Variants in CNDP1 observed in about 807,000 individuals in gnomAD.
The protein encoded by CNDP1 is beta-Ala-His dipeptidase.
CNDP1 carries 44 observed loss-of-function variants against 58.1 expected under a neutral mutation model. That is an observed-to-expected ratio of 0.76 (90% confidence interval 0.60 to 0.97). The LOEUF (loss-of-function observed/expected upper bound fraction) is 0.97. Among genes scored for constraint, CNDP1 ranks in the 50% least tolerant of loss-of-function variants. The pLI is 0.00. For synonymous variants in CNDP1, 254 were observed against 252.6 expected (o/e 1.01, Z -0.05); for missense variants, 616 against 655.1 (o/e 0.94, Z 0.65).
intron 1 of CNDP1, among the ~76,000 whole-genome samples, chr18:74,539,126 T>C (rs914217424): frequency 6.0e-5 from 9 of 150,740 alleles, no homozygotes; most frequent in Non-Finnish European, 1.2e-4. Context: ...GGAAAATACA[T>C]GGACATTCGC....
chr18:74,552,751 C>T (rs971469208), intron 1 of CNDP1, among the ~76,000 whole-genome samples: 1 of 152,150 alleles, frequency 6.6e-6, no homozygotes, highest in Non-Finnish European at 1.5e-5. Context: ...ATCCACTTAC[C>T]AGTTTTTGTG....
chr18:74,543,504 C>CAAAAT lies in CNDP1; in HGVS notation c.24+8817_24+8818insTAAAA, dbSNP rs557695014. ...TGAGATCCTGTCTCAAAAAATAAAA[C>CAAAAT]AAAACAAAATAAAATAAAATAAAAT... On this transcript the variant is annotated intron_variant, in intron 1 of 11. Transcript: ENST00000358821. Among the ~76,000 whole-genome samples the CAAAAT allele has an allele frequency of 2.6e-3, 346 of 130,670 alleles. 3 individuals are homozygous for CAAAAT. Among genetic ancestry groups the CAAAAT allele is most frequent in the African/African-American group, 9.4e-3 (323 of 34,184 alleles). 85.7% of individuals were successfully genotyped at this position (130,670 alleles called of 152,430 possible). A position where few individuals can be genotyped will look rare whatever the true frequency, so the allele number is the denominator to read the frequency against.
intron 1 of CNDP1, among the ~76,000 whole-genome samples, chr18:74,553,297 C>T (rs758123659): frequency 7.2e-5 from 11 of 152,182 alleles, no homozygotes; most frequent in Middle Eastern, 3.4e-3. Flanking sequence ...TCCAATTTAT[C>T]GATCCTGTCT....
intron 7 of CNDP1, among the ~76,000 whole-genome samples, chr18:74,571,891 G>A (rs546901932): frequency 6.6e-6 from 1 of 152,112 alleles, no homozygotes; most frequent in Non-Finnish European, 1.5e-5. Context: ...TACGACCTTG[G>A]TAAGTTACTT....
chr18:74,583,602 A>T lies in CNDP1; in HGVS notation c.1351A>T (p.Ile451Phe). 6.2e-7 allele frequency: 1 copy of T among 1,614,160 alleles called. No individual in the cohort carries two copies. Among genetic ancestry groups the T allele is most frequent in the Non-Finnish European group, 8.5e-7 (1 of 1,179,998 alleles). ...AGATATGATCCGGGATGGATCCACC[A>T]TTCCAATTGCCAAAATGTTCCAGGA... The part of the protein sequence containing the change: ...EPDMIRDGST[I>F]PIAKMFQEIV... Residue 451 changes from isoleucine (I) to phenylalanine (F), a missense_variant, in exon 11 of 12, where the codon ATT becomes TTT. Coordinates refer to ENST00000358821, the MANE Select transcript of CNDP1 (RefSeq NM_032649.6).
Position 74,583,646 on chromosome 18 carries a change from G to A in CNDP1, c.1395G>A (p.Val465=). Residue 465 remains valine, a synonymous_variant, in exon 11 of 12, where the codon GTG becomes GTA. Transcript: ENST00000358821. ...TCCAGGAGATCGTCCACAAGAGCGT[G>A]GTGCTAATTCCGCTGGGAGCTGTTG... The part of the protein sequence containing the change: ...KMFQEIVHKS[V]VLIPLGAVDD... The A allele has an allele frequency of 6.2e-7, 1 of 1,614,118 alleles. No individual in the cohort carries two copies. Among genetic ancestry groups the A allele is most frequent in the Non-Finnish European group, 8.5e-7 (1 of 1,179,988 alleles).
chr18:74,537,817 C>T (rs1298585342), intron 1 of CNDP1, among the ~76,000 whole-genome samples: 1 of 152,208 alleles, frequency 6.6e-6, no homozygotes, highest in Non-Finnish European at 1.5e-5. Flanking sequence ...TCATATATCA[C>T]TACACTTTGT....
In CNDP1 at chr18:74,562,026, ATTC is replaced by A. The variant is rs1568296430; in HGVS notation, c.467-16_467-14del. 6.2e-7 allele frequency: 1 copy of A among 1,609,664 alleles called. No homozygotes were observed. The highest frequency in any genetic ancestry group is 1.1e-5 in the South Asian group (1 of 90,982). Reference sequence around the variant, plus strand: ...CAGAGGTGTCCACACTTCTCTGAACATTCTTCTCCCCTTTTTAAAGGGAAACTT... The same window carrying A: ...CAGAGGTGTCCACACTTCTCTGAACATTCTCCCCTTTTTAAAGGGAAACTT... On this transcript the variant is annotated intron_variant, in intron 4 of 11. Transcript: ENST00000358821.
chr18:74,541,484 G>A (rs1980623183), intron 1 of CNDP1, among the ~76,000 whole-genome samples: 1 of 152,158 alleles, frequency 6.6e-6, no homozygotes, highest in South Asian at 2.1e-4. Context: ...GCCAGCTCCT[G>A]GAGGAGTCAC....
At chr18:74,575,857 G>T (rs1240114301) in intron 7 of CNDP1, among the ~76,000 whole-genome samples, 1 of 146,110 alleles carries the variant, frequency 6.8e-6, no homozygotes, top group African/African-American at 2.5e-5. Context: ...GTGTGTGTGT[G>T]TGTGTATACA....
chr18:74,579,213 C>CCTTCCCTTGCCTTCCCTTG (rs779031214), intron 9 of CNDP1, among the ~76,000 whole-genome samples: 19 of 56,290 alleles, frequency 3.4e-4, no homozygotes, highest in African/African-American at 9.8e-4. Context: ...GCCTTCCCTT[C>CCTTCCCTTGCCTTCCCTTG]CCTTCCCTTC....
intron 6 of CNDP1, 121 bp from the exon 7 acceptor site, chr18:74,571,065 C>T (rs1981466576): frequency 1.5e-6 from 1 of 660,648 alleles, no homozygotes; most frequent in Non-Finnish European, 2.7e-6. Context: ...GAAGTCAGGT[C>T]TGGATGTTGC....
intron 10 of CNDP1, among the ~76,000 whole-genome samples, chr18:74,583,314 C>CT (rs1488936448): frequency 1.3e-5 from 2 of 152,112 alleles, no homozygotes; most frequent in Non-Finnish European, 2.9e-5. Context: ...GCTCTAAAAT[C>CT]TTTTTTAAAG....
At chr18:74,572,808 A>AAAGAAAG (rs1555710824) in intron 7 of CNDP1, among the ~76,000 whole-genome samples, 1 of 135,392 alleles carries the variant, frequency 7.4e-6, no homozygotes, top group Non-Finnish European at 1.5e-5. Context: ...AAAAAAAAAA[A>AAAGAAAG]AAAGAAAGAA....
At chr18:74,574,061 C>G (rs1462752506) in intron 7 of CNDP1, among the ~76,000 whole-genome samples, 5 of 152,218 alleles carry the variant, frequency 3.3e-5, no homozygotes, top group Non-Finnish European at 7.3e-5. Flanking sequence ...GCCCGGACTT[C>G]CAGGGACCCC....
chr18:74,575,436 G>A (rs1052313594), intron 7 of CNDP1, among the ~76,000 whole-genome samples: 4 of 152,212 alleles, frequency 2.6e-5, no homozygotes, highest in African/African-American at 4.8e-5. Flanking sequence ...GACTCATTAA[G>A]CTGCCCTGGA....
At chr18:74,567,160 T>C (rs1981349656) in intron 5 of CNDP1, 73 bp from the exon 6 acceptor site, 3 of 1,214,358 alleles carry the variant, frequency 2.5e-6, no homozygotes, top group East Asian at 2.3e-5. Flanking sequence ...ACAATTCAAG[T>C]TGAGATTTGG....
At position 74,576,882 on chromosome 18, in the gene CNDP1, C is replaced by T. The variant is rs1350731764; in HGVS notation, c.855C>T (p.Asp285=). 10 of 1,608,170 alleles carry T rather than the reference C, an allele frequency of 6.2e-6. No homozygotes were observed. Among genetic ancestry groups the T allele is most frequent in the Non-Finnish European group, 2.5e-6 (3 of 1,177,736 alleles). The change falls in exon 8 of 12, where the codon GAC becomes GAT. Residue 285 remains aspartate, a synonymous_variant. Coordinates refer to ENST00000358821, the MANE Select transcript of CNDP1 (RefSeq NM_032649.6). Reference sequence around the variant, plus strand: ...TGTGTTTTGTAGGTAGCCTGGTAGACTCGTCTGGTCATATCCTGGTCCCTG... The same window carrying T: ...TGTGTTTTGTAGGTAGCCTGGTAGATTCGTCTGGTCATATCCTGGTCCCTG... ...DLVALLGSLV[D]SSGHILVPGI...
At chr18:74,562,238 C>A in intron 5 of CNDP1, 103 bp downstream of exon 5, 1 of 954,406 alleles carries the variant, frequency 1.0e-6, no homozygotes, top group Non-Finnish European at 1.7e-6. Flanking sequence ...AGGTCACTTA[C>A]TCGCCCCAAC....
Sources: gnomAD v4.1 joint callset for allele counts (sites outside exome capture counted in the v4.1 genomes callset) on GRCh38, gnomAD v4.1.1 for gene constraint, MANE v1.5 for transcripts, NCBI Gene and HGNC (gene_info 2026-07-23, HGNC 2026-07-21) for gene names.